The following BMPR2 variants were observed in gnomAD, a reference collection of about 807,000 sequenced individuals.
The protein encoded by BMPR2 is bone morphogenetic protein receptor type 2, also known as bone morphogenetic protein receptor type-2.
A neutral mutation model predicts 100.8 loss-of-function variants in BMPR2; 29 were observed. The observed-to-expected ratio is 0.29, with a 90% CI of 0.21 to 0.39. The LOEUF (loss-of-function observed/expected upper bound fraction) is 0.39, where lower values mean the gene tolerates loss of function less well. Ranked by LOEUF, BMPR2 falls within the 10% of genes least tolerant of loss-of-function variation. The probability of loss-of-function intolerance (pLI) is 1.00; values close to 1 mark genes in which losing one functional copy is unlikely to be tolerated. For missense variants in BMPR2, 1,011 were observed against 1,274.5 expected (o/e 0.79, Z 3.15); for synonymous variants, 382 against 442.3 (o/e 0.86, Z 1.71).
At chr2:202,380,162 C>G (rs992185179) in intron 1 of BMPR2, among the ~76,000 whole-genome samples, 1 of 150,950 alleles carries the variant, frequency 6.6e-6, no homozygotes, top group African/African-American at 2.4e-5. Flanking sequence ...CACCACACCC[C>G]GCCTAATTCT....
At chr2:202,424,070 CAAAAAAAAAAAAA>C (rs773518674) in intron 1 of BMPR2, among the ~76,000 whole-genome samples, 1 of 58,774 alleles carries the variant, frequency 1.7e-5, no homozygotes, top group African/African-American at 7.9e-5. Context: ...AAGACTGTCT[CAAAAAAAAAAAAA>C]AAAAAAAAGG....
At chr2:202,544,144 A>G (rs1409846365) in intron 10 of BMPR2, among the ~76,000 whole-genome samples, 3 of 152,226 alleles carry the variant, frequency 2.0e-5, no homozygotes, top group African/African-American at 7.2e-5. Context: ...CCCATCTCAA[A>G]AAAAAACAAA....
At chr2:202,490,972 C>G (rs1692889139) in intron 3 of BMPR2, among the ~76,000 whole-genome samples, 1 of 151,976 alleles carries the variant, frequency 6.6e-6, no homozygotes, top group East Asian at 1.9e-4. Flanking sequence ...TTCTTCTTGC[C>G]CAGGCTGGAG....
At chr2:202,382,526 A>G (rs71425937) in intron 1 of BMPR2, among the ~76,000 whole-genome samples, 18,068 of 152,200 alleles carry the variant, frequency 0.12, 1,190 homozygotes, top group Admixed American at 0.14. Context: ...TGTCCTTCCT[A>G]CTGATAATTG....
chr2:202,518,260 C>T (rs1032367774), intron 5 of BMPR2, among the ~76,000 whole-genome samples: 1 of 151,282 alleles, frequency 6.6e-6, no homozygotes, highest in African/African-American at 2.4e-5. Context: ...GCCTCAGCCT[C>T]CTGAGTAGCT....
At chr2:202,378,984 C>G (rs753416981) in intron 1 of BMPR2, among the ~76,000 whole-genome samples, 19 of 152,152 alleles carry the variant, frequency 1.2e-4, no homozygotes, top group Admixed American at 5.2e-4. Context: ...ATATTGTGAT[C>G]AGAACTGATA....
At chr2:202,416,894 TG>T (rs1373574274) in intron 1 of BMPR2, among the ~76,000 whole-genome samples, 1 of 151,528 alleles carries the variant, frequency 6.6e-6, no homozygotes, top group Non-Finnish European at 1.5e-5. Context: ...TGGAGTGCAG[TG>T]GTGTGATCTT....
chr2:202,550,653 C>T (rs1057253229), intron 10 of BMPR2, among the ~76,000 whole-genome samples: 3 of 151,946 alleles, frequency 2.0e-5, no homozygotes, highest in Non-Finnish European at 4.4e-5. Context: ...ACAGTGGTGC[C>T]TTAGTCAGGC....
At chr2:202,558,134 CAT>C (rs1336267612) in intron 12 of BMPR2, among the ~76,000 whole-genome samples, 1 of 152,076 alleles carries the variant, frequency 6.6e-6, no homozygotes, top group Non-Finnish European at 1.5e-5. Context: ...GCCTGGGCAA[CAT>C]AGCAAAACTC....
intron 3 of BMPR2, among the ~76,000 whole-genome samples, chr2:202,485,545 C>CTTGTTTTTTTTTTTT (rs1692756600): frequency 1.6e-5 from 1 of 64,010 alleles, no homozygotes; most frequent in Non-Finnish European, 2.7e-5. Flanking sequence ...TTGCCTTTAT[C>CTTGTTTTTTTTTTTT]TTTTTTTTTT....
In BMPR2 at chr2:202,520,069, AT is replaced by A; in HGVS notation, c.853-12del. The A allele has an allele frequency of 3.6e-6, 5 of 1,397,154 alleles. No individual in the cohort carries two copies. Among genetic ancestry groups the A allele is most frequent in the Non-Finnish European group, 4.9e-6 (5 of 1,028,730 alleles). The allele number at this position is 1,397,154 out of a possible 1,614,324, so 86.5% of individuals were successfully genotyped here. ...TAATTCTACCTTTTTTTTTTTTCGC[AT>A]TTTTTCCTCTATATAGGGATCTTTA... is the stretch of plus-strand genomic sequence containing the variant. On this transcript the variant is annotated splice_polypyrimidine_tract_variant and intron_variant, in intron 6 of 12. Coordinates refer to ENST00000374580, the MANE Select transcript of BMPR2 (RefSeq NM_001204.7).
chr2:202,515,029 C>G, intron 5 of BMPR2, 50 bp downstream of exon 5: 1 of 1,452,442 alleles, frequency 6.9e-7, no homozygotes, highest in Non-Finnish European at 9.7e-7. Flanking sequence ...TGATACTAGA[C>G]CTGGAACAGT....
chr2:202,560,988 T>A lies in BMPR2; in HGVS notation c.*1042T>A, dbSNP rs914961214. 6 of 152,190 alleles carry A rather than the reference T, an allele frequency of 3.9e-5. No individual in the cohort carries two copies. The highest frequency in any genetic ancestry group is 7.4e-5 in the Non-Finnish European group (5 of 68,004). 9.4% of individuals were successfully genotyped at this position (152,190 alleles called of 1,614,324 possible). A position where few individuals can be genotyped will look rare whatever the true frequency, so the allele number is the denominator to read the frequency against. On this transcript the variant is annotated 3_prime_UTR_variant, in exon 13 of 13. Transcript: ENST00000374580. The stretch of plus-strand genomic sequence containing the variant: ...CAAAATAGTGTTATAGCCTTCATTC[T>A]CTGAATAGGCCATCTTTGACTCATA...
At chr2:202,393,905 G>C (rs1377575101) in intron 1 of BMPR2, among the ~76,000 whole-genome samples, 1 of 146,152 alleles carries the variant, frequency 6.8e-6, no homozygotes, top group Non-Finnish European at 1.5e-5. Flanking sequence ...GAGAGAGAGA[G>C]AGAGAGAGAG....
chr2:202,470,493 G>A (rs1285179388), intron 3 of BMPR2, among the ~76,000 whole-genome samples: 8 of 152,134 alleles, frequency 5.3e-5, no homozygotes, highest in Non-Finnish European at 1.2e-4. Context: ...CGGGCGCGGT[G>A]GCTCACGCCT....
intron 9 of BMPR2, among the ~76,000 whole-genome samples, chr2:202,536,973 C>CTGAT (rs996193128): frequency 6.6e-5 from 10 of 152,088 alleles, no homozygotes; most frequent in Non-Finnish European, 1.3e-4. Context: ...TCATAGCTCA[C>CTGAT]TGCAGCACTG....
intron 3 of BMPR2, among the ~76,000 whole-genome samples, chr2:202,507,392 T>C (rs1687540798): frequency 6.6e-6 from 1 of 152,138 alleles, no homozygotes; most frequent in South Asian, 2.1e-4. Flanking sequence ...GGGAGTCACT[T>C]TTTTTCACAT....
intron 1 of BMPR2, among the ~76,000 whole-genome samples, chr2:202,404,485 T>A (rs181250732): frequency 6.6e-6 from 1 of 152,132 alleles, no homozygotes; most frequent in East Asian, 1.9e-4. Flanking sequence ...CGTGAGCCAC[T>A]GAGCCTGGCC....
intron 10 of BMPR2, among the ~76,000 whole-genome samples, chr2:202,546,903 GTGTTTTGTTTTGTTTTGTTT>G (rs112692454): frequency 3.3e-4 from 47 of 141,848 alleles, no homozygotes; most frequent in Middle Eastern, 3.5e-3. Context: ...TGCCCAGCCG[GTGTTTTGTTTTGTTTTGTTT>G]TGTTTTGTTT....
Sources: allele counts gnomAD v4.1 joint callset (sites outside exome capture counted in the v4.1 genomes callset), GRCh38; gene constraint gnomAD v4.1.1; transcripts MANE v1.5; gene names NCBI Gene and HGNC (gene_info 2026-07-23, HGNC 2026-07-21).